The following KIAA0319L variants were observed in gnomAD, a reference collection of about 807,000 sequenced individuals.
KIAA0319L encodes the protein KIAA0319 like.
Under a neutral mutation model 120.1 loss-of-function variants are expected in KIAA0319L, and 55 were observed. The ratio of observed to expected loss-of-function variants is 0.46; its 90% CI spans 0.37 to 0.57. The LOEUF (loss-of-function observed/expected upper bound fraction) is 0.57, where lower values mean the gene tolerates loss of function less well. Ranked by LOEUF, KIAA0319L falls within the 20% of genes least tolerant of loss-of-function variation. The pLI, the probability that KIAA0319L is intolerant of heterozygous loss-of-function variation, is 0.00. For missense variants in KIAA0319L, 1,049 were observed against 1,255.3 expected (o/e 0.84, Z 2.48); for synonymous variants, 398 against 471.9 (o/e 0.84, Z 2.03).
At chr1:35,494,771 A>G (rs1644736318) in intron 3 of KIAA0319L, among the ~76,000 whole-genome samples, 1 of 152,204 alleles carries the variant, frequency 6.6e-6, no homozygotes, top group Admixed American at 6.5e-5. Context: ...AGACTGTACC[A>G]TTGCACTCCA....
Position 35,482,190 on chromosome 1 carries a change from C to CT in KIAA0319L, c.667-2979dup, listed in dbSNP as rs1436527451. Reference sequence around the variant, plus strand: ...TAAATGGAATCACAAAGTAAGTACCCTTTTTTTTGAGAGGGGCAGTCTGGC... The same window carrying CT: ...TAAATGGAATCACAAAGTAAGTACCCTTTTTTTTTGAGAGGGGCAGTCTGGC... On this transcript the variant is annotated intron_variant, in intron 3 of 20. Transcript: ENST00000325722. 3.4e-4 allele frequency among the ~76,000 whole-genome samples: 51 copies of CT among 151,528 alleles called. 1 individual carries two copies. In the East Asian group the frequency reaches 9.3e-3, roughly 28 times the overall value.
intron 3 of KIAA0319L, among the ~76,000 whole-genome samples, chr1:35,492,019 A>G (rs1644613161): frequency 6.6e-6 from 1 of 152,228 alleles, no homozygotes; most frequent in African/African-American, 2.4e-5. Context: ...AACTTTTCAC[A>G]AAGAAAATTC....
chr1:35,502,742 C>A (rs1346598010), intron 3 of KIAA0319L, among the ~76,000 whole-genome samples: 1 of 152,198 alleles, frequency 6.6e-6, no homozygotes, highest in Non-Finnish European at 1.5e-5. Flanking sequence ...ATGGTAACCA[C>A]TAAATGCCAA....
At chr1:35,518,868 G>T (rs1387701901) in intron 2 of KIAA0319L, among the ~76,000 whole-genome samples, 1 of 151,796 alleles carries the variant, frequency 6.6e-6, no homozygotes, top group Non-Finnish European at 1.5e-5. Context: ...GCCGGGCATG[G>T]TGGTGGGCAC....
intron 3 of KIAA0319L, among the ~76,000 whole-genome samples, chr1:35,491,434 A>T (rs985794580): frequency 7.2e-5 from 11 of 152,192 alleles, no homozygotes; most frequent in African/African-American, 2.7e-4. Context: ...TGGTAAGGAG[A>T]AAATTATATA....
At chr1:35,435,259 G>T in intron 20 of KIAA0319L, 178 bp from the exon 21 acceptor site, 1 of 614,232 alleles carries the variant, frequency 1.6e-6, no homozygotes, top group Non-Finnish European at 2.9e-6. Context: ...CCAACTGGTT[G>T]GAACAGTCCA....
At chr1:35,547,869 C>A (rs1269527785) in intron 2 of KIAA0319L, among the ~76,000 whole-genome samples, 1 of 152,170 alleles carries the variant, frequency 6.6e-6, no homozygotes, top group Admixed American at 6.5e-5. Flanking sequence ...CGCCTGTAAT[C>A]CCAGCACTCT....
In KIAA0319L at chr1:35,520,760, GT is replaced by G. The variant is rs368585391; in HGVS notation, c.143-13626del. On this transcript the variant is annotated intron_variant, in intron 2 of 20. Transcript: ENST00000325722. ...TTATTCATTCATCCATTCAATAAGT[GT>G]TTTTGAGCACCTGCTGCATGCTGGG... is the stretch of plus-strand genomic sequence containing the variant. 3.3e-3 allele frequency among the ~76,000 whole-genome samples: 507 copies of G among 152,216 alleles called. 2 individuals are homozygous for G. The highest frequency in any genetic ancestry group is 4.6e-3 in the Non-Finnish European group (316 of 68,010).
chr1:35,471,798 T>C (rs976846192), intron 5 of KIAA0319L, among the ~76,000 whole-genome samples: 2 of 152,188 alleles, frequency 1.3e-5, no homozygotes, highest in Non-Finnish European at 2.9e-5. Context: ...CTTTTTCTTA[T>C]TTCATGAGTT....
chr1:35,482,489 G>A (rs1266503162), intron 3 of KIAA0319L, among the ~76,000 whole-genome samples: 3 of 150,696 alleles, frequency 2.0e-5, no homozygotes, highest in African/African-American at 7.3e-5. Flanking sequence ...GAGTGCAATG[G>A]CGCAATCTCG....
chr1:35,494,330 T>C (rs1570812091), intron 3 of KIAA0319L, among the ~76,000 whole-genome samples: 1 of 151,660 alleles, frequency 6.6e-6, no homozygotes, highest in East Asian at 1.9e-4. Context: ...GCGCCTGTCA[T>C]CCCAGCTACT....
At chr1:35,479,972 A>AAC (rs1644093457) in intron 3 of KIAA0319L, among the ~76,000 whole-genome samples, 2 of 148,882 alleles carry the variant, frequency 1.3e-5, no homozygotes, top group East Asian at 2.0e-4. Context: ...AAAAAAAAAA[A>AAC]CACAAGCTAA....
intron 8 of KIAA0319L, among the ~76,000 whole-genome samples, chr1:35,461,029 G>A (rs1034749845): frequency 3.3e-5 from 5 of 152,128 alleles, no homozygotes; most frequent in Admixed American, 6.5e-5. Flanking sequence ...AATAGCAAAA[G>A]AATGAAAGTA....
chr1:35,536,580 G>A (rs1015023006), intron 2 of KIAA0319L, among the ~76,000 whole-genome samples: 1 of 152,168 alleles, frequency 6.6e-6, no homozygotes, highest in Non-Finnish European at 1.5e-5. Context: ...TGGTCACCTA[G>A]GTGAAAACAG....
At chr1:35,470,507 A>G (rs1014096657) in intron 6 of KIAA0319L, among the ~76,000 whole-genome samples, 1 of 151,440 alleles carries the variant, frequency 6.6e-6, no homozygotes, top group South Asian at 2.1e-4. Flanking sequence ...AAAAAAAAAA[A>G]AAAAAAAGAA....
intron 2 of KIAA0319L, among the ~76,000 whole-genome samples, chr1:35,550,515 A>G (rs1647161155): frequency 6.6e-6 from 1 of 152,222 alleles, no homozygotes; most frequent in Non-Finnish European, 1.5e-5. Context: ...TACCAAAGAA[A>G]GGCCTGGAAA....
intron 7 of KIAA0319L, among the ~76,000 whole-genome samples, chr1:35,465,454 A>G (rs1643189162): frequency 6.6e-6 from 1 of 152,162 alleles, no homozygotes; most frequent in South Asian, 2.1e-4. Flanking sequence ...TGGAACGGCT[A>G]TATTTATCCA....
intron 3 of KIAA0319L, among the ~76,000 whole-genome samples, chr1:35,493,368 G>A (rs766240810): frequency 1.6e-4 from 24 of 151,564 alleles, no homozygotes; most frequent in African/African-American, 4.9e-4. Context: ...AATGAAATAC[G>A]GATCTGACAA....
chr1:35,501,327 G>T (rs1644997337), intron 3 of KIAA0319L, among the ~76,000 whole-genome samples: 1 of 152,100 alleles, frequency 6.6e-6, no homozygotes, highest in East Asian at 1.9e-4. Context: ...AATTTCACGG[G>T]CCATAATTAT....
Sources: allele counts gnomAD v4.1 joint callset (sites outside exome capture counted in the v4.1 genomes callset), GRCh38; gene constraint gnomAD v4.1.1; transcripts MANE v1.5; gene names NCBI Gene and HGNC (gene_info 2026-07-23, HGNC 2026-07-21).